The following TMEFF2 variants were observed in gnomAD, a reference collection of about 807,000 sequenced individuals.
TMEFF2 encodes the protein transmembrane protein with EGF like and two follistatin like domains 2, also known as tomoregulin-2.
Under a neutral mutation model 53.8 loss-of-function variants are expected in TMEFF2, and 28 were observed. That is an observed-to-expected ratio of 0.52 (90% CI 0.39 to 0.71). The LOEUF (loss-of-function observed/expected upper bound fraction) is 0.71, where lower values mean the gene tolerates loss of function less well. Among genes scored for constraint, TMEFF2 ranks in the 30% least tolerant of loss-of-function variants. The pLI is 0.00. For synonymous variants in TMEFF2, 162 were observed against 166.3 expected (o/e 0.97, Z 0.20); for missense variants, 353 against 455.2 (o/e 0.78, Z 2.04).
At chr2:192,030,083 C>T (rs1391804237) in intron 5 of TMEFF2, among the ~76,000 whole-genome samples, 4 of 152,162 alleles carry the variant, frequency 2.6e-5, no homozygotes, top group Non-Finnish European at 4.4e-5. Flanking sequence ...ATGAGAGAGT[C>T]CAGAGCACAT....
intron 5 of TMEFF2, among the ~76,000 whole-genome samples, chr2:192,049,545 T>C (rs1483223859): frequency 6.6e-6 from 1 of 152,078 alleles, no homozygotes; most frequent in Non-Finnish European, 1.5e-5. Context: ...ATTCCCTGAG[T>C]GTGGAGACAG....
chr2:191,990,012 G>A (rs1209555200), intron 7 of TMEFF2, among the ~76,000 whole-genome samples: 1 of 152,130 alleles, frequency 6.6e-6, no homozygotes, highest in Non-Finnish European at 1.5e-5. Flanking sequence ...CAGAGGTGGA[G>A]TACTGTCCTC....
At chr2:192,075,310 T>TAAATATATATATATATAAATATAA (rs1420069208) in intron 4 of TMEFF2, among the ~76,000 whole-genome samples, 2,225 of 74,824 alleles carry the variant, frequency 0.03, 123 homozygotes, top group Middle Eastern at 0.086. Flanking sequence ...TATATATATA[T>TAAATATATATATATATAAATATAA]ATATATATAT....
intron 4 of TMEFF2, among the ~76,000 whole-genome samples, chr2:192,067,302 G>A (rs1200716816): frequency 6.6e-6 from 1 of 151,830 alleles, no homozygotes; most frequent in Non-Finnish European, 1.5e-5. Context: ...GTAGTGGTTG[G>A]TCTTAGAGGC....
chr2:191,978,737 A>G (rs979808494), intron 7 of TMEFF2, among the ~76,000 whole-genome samples: 19 of 152,212 alleles, frequency 1.2e-4, no homozygotes, highest in African/African-American at 4.6e-4. Context: ...CCCCTGGTAG[A>G]TTGCAGTCAG....
At position 192,075,322 on chromosome 2, in the gene TMEFF2, T is replaced by TAA. The variant is rs1393098671; in HGVS notation, c.440-17548_440-17547insTT. Among the ~76,000 whole-genome samples the TAA allele has an allele frequency of 1.3e-4, 11 of 86,130 alleles. 1 individual carries two copies. Among genetic ancestry groups the TAA allele is most frequent in the African/African-American group, 5.4e-4 (11 of 20,320 alleles). 56.5% of individuals were successfully genotyped at this position (86,130 alleles called of 152,430 possible). A position where few individuals can be genotyped will look rare whatever the true frequency, so the allele number is the denominator to read the frequency against. ...ATATATATATATATATATATATATA[T>TAA]ATATATATATACATACATACTATGT... On this transcript the variant is annotated intron_variant, in intron 4 of 9. Transcript: ENST00000272771.
chr2:192,129,752 G>A (rs1242148813), intron 4 of TMEFF2, among the ~76,000 whole-genome samples: 1 of 152,158 alleles, frequency 6.6e-6, no homozygotes, highest in African/African-American at 2.4e-5. Flanking sequence ...TGACTAGCAA[G>A]CAAGATTGAG....
intron 4 of TMEFF2, among the ~76,000 whole-genome samples, chr2:192,094,970 C>T (rs1688870210): frequency 6.6e-6 from 1 of 152,122 alleles, no homozygotes; most frequent in Non-Finnish European, 1.5e-5. Context: ...TATTAAGCTT[C>T]CAATAATTAA....
chr2:191,982,794 G>T (rs1395766416), intron 7 of TMEFF2, among the ~76,000 whole-genome samples: 1 of 152,054 alleles, frequency 6.6e-6, no homozygotes, highest in Non-Finnish European at 1.5e-5. Context: ...AGTTTTATCA[G>T]AACAGCTCTT....
chr2:192,116,145 T>C (rs919487490), intron 4 of TMEFF2, among the ~76,000 whole-genome samples: 5 of 151,992 alleles, frequency 3.3e-5, no homozygotes, highest in African/African-American at 1.2e-4. Flanking sequence ...AATGAAATAT[T>C]TTTTTCAGAC....
chr2:192,130,034 T>G (rs1336119400), intron 4 of TMEFF2, among the ~76,000 whole-genome samples: 3 of 152,234 alleles, frequency 2.0e-5, no homozygotes, highest in Non-Finnish European at 4.4e-5. Flanking sequence ...TGATTTAGAT[T>G]GTATTGCACT....
chr2:192,008,587 G>A lies in TMEFF2; in HGVS notation c.537-9379C>T, dbSNP rs143646612. ...TTCATGATCACAGAGAAGTGCGGTCGCTCCGACTGGATGGGTCTTTATACA... is the reference window on the plus strand; with the variant it reads ...TTCATGATCACAGAGAAGTGCGGTCACTCCGACTGGATGGGTCTTTATACA... On this transcript the variant is annotated intron_variant, in intron 5 of 9. Coordinates refer to ENST00000272771, the MANE Select transcript of TMEFF2 (RefSeq NM_016192.4). 4.1e-4 allele frequency among the ~76,000 whole-genome samples: 63 copies of A among 152,176 alleles called. 1 individual carries two copies. The East Asian group carries it at 0.012, about 28-fold the overall frequency.
rs567638656 is a variant in TMEFF2 at position 192,078,302 on chromosome 2, A to C, written c.440-20527T>G. 3.9e-5 allele frequency among the ~76,000 whole-genome samples: 6 copies of C among 152,294 alleles called. No homozygotes were observed. The East Asian group carries it at 9.7e-4, about 25-fold the overall frequency. ...ATTGAGATTACATGCAACATATAGA[A>C]AGATCTTGACATATGTCAATAAATG... On this transcript the variant is annotated intron_variant, in intron 4 of 9. Coordinates refer to ENST00000272771, the MANE Select transcript of TMEFF2 (RefSeq NM_016192.4).
At chr2:192,137,423 T>G (rs1690036595) in intron 4 of TMEFF2, among the ~76,000 whole-genome samples, 1 of 152,134 alleles carries the variant, frequency 6.6e-6, no homozygotes. Context: ...GAAATGAAAG[T>G]GCGGAGAGGA....
chr2:192,049,496 C>T lies in TMEFF2; in HGVS notation c.536+8183G>A, dbSNP rs900537681. Reference sequence around the variant, plus strand: ...GAGATTCCTATTATTATCTTTGAGACTGGGATGTTACACTGGGACATCGGA... The same window carrying T: ...GAGATTCCTATTATTATCTTTGAGATTGGGATGTTACACTGGGACATCGGA... On this transcript the variant is annotated intron_variant, in intron 5 of 9. Coordinates refer to ENST00000272771, the MANE Select transcript of TMEFF2 (RefSeq NM_016192.4). Among the ~76,000 whole-genome samples, 3 of 152,112 alleles carry T rather than the reference C, an allele frequency of 2.0e-5. No individual in the cohort carries two copies. The East Asian group carries it at 5.8e-4, about 29-fold the overall frequency.
chr2:192,194,259 G>C lies in TMEFF2; in HGVS notation c.172+94C>G, dbSNP rs1416023118. ...GGGTCTAGGGCAGTAGGAGGTGAGG[G>C]GCTGAGGAGGCGCGCTAGGGTAGGC... is the stretch of plus-strand genomic sequence containing the variant. On this transcript the variant is annotated intron_variant, in intron 1 of 9. Transcript: ENST00000272771. The surrounding 1 kb of genome is among the most constrained non-coding windows in gnomAD (Gnocchi z 4.2). 2.0e-6 allele frequency: 3 copies of C among 1,467,604 alleles called. No individual in the cohort carries two copies. Among genetic ancestry groups the C allele is most frequent in the Non-Finnish European group, 2.8e-6 (3 of 1,065,776 alleles). 90.9% of individuals were successfully genotyped at this position (1,467,604 alleles called of 1,614,324 possible). A position where few individuals can be genotyped will look rare whatever the true frequency, so the allele number is the denominator to read the frequency against.
At chr2:192,084,028 T>A (rs1688612098) in intron 4 of TMEFF2, among the ~76,000 whole-genome samples, 2 of 152,172 alleles carry the variant, frequency 1.3e-5, no homozygotes, top group South Asian at 4.1e-4. Context: ...TGTGTATATT[T>A]CTAATTTAAT....
chr2:192,039,603 CA>C, intron 5 of TMEFF2, among the ~76,000 whole-genome samples: 1 of 152,100 alleles, frequency 6.6e-6, no homozygotes, highest in Admixed American at 6.6e-5. Context: ...ACTTCATTGC[CA>C]CAAACCAAGT....
intron 5 of TMEFF2, among the ~76,000 whole-genome samples, chr2:192,057,418 A>G (rs901041085): frequency 1.3e-4 from 19 of 151,738 alleles, no homozygotes; most frequent in Non-Finnish European, 1.8e-4. Flanking sequence ...TTTTCCCTCT[A>G]TATCCTAACA....
Sources: allele counts gnomAD v4.1 joint callset (sites outside exome capture counted in the v4.1 genomes callset), GRCh38; gene constraint gnomAD v4.1.1; non-coding constraint Gnocchi (gnomAD v3.1); transcripts MANE v1.5; gene names NCBI Gene and HGNC (gene_info 2026-07-23, HGNC 2026-07-21).